The following TBC1D5 variants were observed in gnomAD, a reference collection of about 807,000 sequenced individuals.
The protein encoded by TBC1D5 is TBC1 domain family member 5.
TBC1D5 carries 75 observed loss-of-function variants against 100.3 expected under a neutral mutation model. The observed-to-expected ratio is 0.75, with a 90% CI of 0.62 to 0.91. The LOEUF (loss-of-function observed/expected upper bound fraction) is 0.91. Ranked by LOEUF, TBC1D5 falls within the 40% of genes least tolerant of loss-of-function variation. The probability of loss-of-function intolerance (pLI) is 0.00; values close to 1 mark genes in which losing one functional copy is unlikely to be tolerated. For missense variants in TBC1D5, 910 were observed against 942.4 expected (o/e 0.97, Z 0.45); for synonymous variants, 323 against 325.6 (o/e 0.99, Z 0.09).
intron 3 of TBC1D5, among the ~76,000 whole-genome samples, chr3:17,445,585 TG>T (rs1185019725): frequency 6.6e-6 from 1 of 152,168 alleles, no homozygotes; most frequent in African/African-American, 2.4e-5. Context: ...CAGTGAACCA[TG>T]GTCCAACAAT....
At chr3:17,259,511 A>T (rs2078064118) in intron 15 of TBC1D5, among the ~76,000 whole-genome samples, 1 of 152,206 alleles carries the variant, frequency 6.6e-6, no homozygotes, top group Non-Finnish European at 1.5e-5. Flanking sequence ...AAAACCTTAT[A>T]AATAAATGTG....
At chr3:17,218,588 A>G (rs945740409) in intron 17 of TBC1D5, among the ~76,000 whole-genome samples, 11 of 151,970 alleles carry the variant, frequency 7.2e-5, no homozygotes, top group African/African-American at 2.7e-4. Flanking sequence ...CTTATAGGGA[A>G]GGTTTACTAG....
At chr3:17,176,439 G>GTCT (rs1218466414) in intron 19 of TBC1D5, among the ~76,000 whole-genome samples, 1 of 152,204 alleles carries the variant, frequency 6.6e-6, no homozygotes, top group Admixed American at 6.5e-5. Flanking sequence ...CTATAATAGA[G>GTCT]TCTTGCCTGC....
intron 3 of TBC1D5, among the ~76,000 whole-genome samples, chr3:17,475,199 C>A (rs1328174795): frequency 6.7e-6 from 1 of 149,118 alleles, no homozygotes; most frequent in Non-Finnish European, 1.5e-5. Context: ...TTTATATATT[C>A]CCAAATCTAA....
intron 17 of TBC1D5, among the ~76,000 whole-genome samples, chr3:17,219,355 T>A (rs1169771249): frequency 6.6e-6 from 1 of 151,900 alleles, no homozygotes; most frequent in Non-Finnish European, 1.5e-5. Flanking sequence ...TTTCTTGCAG[T>A]TCTTTGACAT....
chr3:17,204,972 T>G (rs2071961661), intron 18 of TBC1D5, among the ~76,000 whole-genome samples: 1 of 152,188 alleles, frequency 6.6e-6, no homozygotes, highest in Non-Finnish European at 1.5e-5. Context: ...CTTCCTGACC[T>G]TGAGTACGTT....
intron 1 of TBC1D5, among the ~76,000 whole-genome samples, chr3:17,656,848 G>A (rs2066115278): frequency 6.6e-6 from 1 of 151,944 alleles, no homozygotes; most frequent in African/African-American, 2.4e-5. Flanking sequence ...TATATAAAAT[G>A]CGCATTCGAA....
At chr3:17,544,936 G>A (rs1335124096) in intron 2 of TBC1D5, among the ~76,000 whole-genome samples, 1 of 152,030 alleles carries the variant, frequency 6.6e-6, no homozygotes, top group African/African-American at 2.4e-5. Context: ...ATAGCTATGG[G>A]TCCCTATACT....
chr3:17,301,295 T>C (rs1354822199), intron 14 of TBC1D5, among the ~76,000 whole-genome samples: 1 of 152,170 alleles, frequency 6.6e-6, no homozygotes, highest in East Asian at 1.9e-4. Flanking sequence ...GAACAAAAAA[T>C]AGATGTGAAA....
intron 2 of TBC1D5, among the ~76,000 whole-genome samples, chr3:17,616,672 T>G (rs1341761412): frequency 6.6e-6 from 1 of 152,218 alleles, no homozygotes; most frequent in African/African-American, 2.4e-5. Flanking sequence ...GGATCTTTAT[T>G]GGCTTATAGT....
chr3:17,279,926 C>T (rs913242536), intron 15 of TBC1D5, among the ~76,000 whole-genome samples: 5 of 152,164 alleles, frequency 3.3e-5, no homozygotes, highest in African/African-American at 1.2e-4. Flanking sequence ...CACCAGCACC[C>T]AGGAGAATGG....
chr3:17,394,371 C>G (rs556209119), intron 8 of TBC1D5, among the ~76,000 whole-genome samples: 13 of 152,094 alleles, frequency 8.5e-5, no homozygotes, highest in Non-Finnish European at 1.8e-4. Context: ...AATGGAAAAA[C>G]AGAAGTCCCA....
intron 14 of TBC1D5, among the ~76,000 whole-genome samples, chr3:17,292,316 G>A (rs2081844198): frequency 6.6e-6 from 1 of 152,144 alleles, no homozygotes; most frequent in Non-Finnish European, 1.5e-5. Context: ...ATATGGCTAT[G>A]TTTAAATGTC....
intron 1 of TBC1D5, among the ~76,000 whole-genome samples, chr3:17,639,724 T>A (rs2064317516): frequency 6.6e-6 from 1 of 152,048 alleles, no homozygotes; most frequent in South Asian, 2.1e-4. Context: ...CTAGAACACA[T>A]CAACCTAAGA....
Position 17,602,705 on chromosome 3 carries a change from C to T in TBC1D5, c.-36+21144G>A, listed in dbSNP as rs549508491. ...CTCCTGTCTCAGCCTCCCAAGTAGC[C>T]GAGACTACAGGCGCCCGCCACCACA... On this transcript the variant is annotated intron_variant, in intron 2 of 21. Transcript: ENST00000253692. 5.3e-5 allele frequency among the ~76,000 whole-genome samples: 8 copies of T among 150,746 alleles called. No homozygotes were observed. The East Asian group carries it at 9.8e-4, about 19-fold the overall frequency.
intron 2 of TBC1D5, among the ~76,000 whole-genome samples, chr3:17,526,049 GT>G (rs2096130419): frequency 6.6e-6 from 1 of 151,990 alleles, no homozygotes; most frequent in Non-Finnish European, 1.5e-5. Flanking sequence ...ATTTCTGCTT[GT>G]AATGGGGAAA....
At chr3:17,671,391 A>G (rs1401543107) in intron 1 of TBC1D5, among the ~76,000 whole-genome samples, 1 of 152,206 alleles carries the variant, frequency 6.6e-6, no homozygotes, top group Non-Finnish European at 1.5e-5. Context: ...ACCTAAGCAC[A>G]CTGAGTGACA....
At chr3:17,705,356 C>CCA (rs1327980787) in intron 1 of TBC1D5, among the ~76,000 whole-genome samples, 1 of 123,430 alleles carries the variant, frequency 8.1e-6, no homozygotes, top group Non-Finnish European at 1.8e-5. Context: ...GACCCCCCCC[C>CCA]ACCTCCCTCC....
intron 3 of TBC1D5, among the ~76,000 whole-genome samples, chr3:17,459,836 T>A (rs1206015970): frequency 6.6e-6 from 1 of 152,186 alleles, no homozygotes; most frequent in African/African-American, 2.4e-5. Context: ...AAGGCACATG[T>A]CTTAGAAAAA....
Sources: gnomAD v4.1 joint callset for allele counts (sites outside exome capture counted in the v4.1 genomes callset) on GRCh38, gnomAD v4.1.1 for gene constraint, MANE v1.5 for transcripts, NCBI Gene and HGNC (gene_info 2026-07-23, HGNC 2026-07-21) for gene names.